The following ARID4A variants were observed in gnomAD, a reference collection of about 807,000 sequenced individuals.
ARID4A encodes the protein AT-rich interactive domain-containing protein 4A.
A neutral mutation model predicts 148.6 loss-of-function variants in ARID4A; 39 were observed. The observed-to-expected ratio is 0.26, with a 90% CI of 0.20 to 0.34. ARID4A has a LOEUF of 0.34. ARID4A is among the 10% of genes least tolerant of loss of function. ARID4A has a pLI of 1.00. For missense variants in ARID4A, 1,265 were observed against 1,449.1 expected (o/e 0.87, Z 2.06); for synonymous variants, 475 against 481.2 (o/e 0.99, Z 0.17).
chr14:58,343,604 G>A (rs750277116), intron 11 of ARID4A, among the ~76,000 whole-genome samples: 2 of 152,090 alleles, frequency 1.3e-5, no homozygotes, highest in Non-Finnish European at 2.9e-5. Flanking sequence ...TGGAGTGGGC[G>A]GATCACTTGA....
intron 15 of ARID4A, among the ~76,000 whole-genome samples, chr14:58,350,382 T>C (rs574241951): frequency 2.0e-5 from 3 of 152,286 alleles, no homozygotes; most frequent in South Asian, 2.1e-4. Flanking sequence ...TGCCAGTGTA[T>C]AGAAGTTGAC....
At chr14:58,371,770 A>G (rs756777257) in intron 23 of ARID4A, 116 bp from the exon 24 acceptor site, 8 of 801,498 alleles carry the variant, frequency 1.0e-5, no homozygotes, top group South Asian at 1.5e-5. Context: ...CATGTGACAT[A>G]TAAGAGGCCT....
intron 21 of ARID4A, among the ~76,000 whole-genome samples, 190 bp downstream of exon 21, chr14:58,365,812 A>C (rs1304358008): frequency 6.6e-6 from 1 of 152,048 alleles, no homozygotes; most frequent in African/African-American, 2.4e-5. Context: ...AACTTTAGGA[A>C]AGTATTCAAT....
chr14:58,302,672 T>C (rs1050517253), intron 3 of ARID4A, among the ~76,000 whole-genome samples: 8 of 152,098 alleles, frequency 5.3e-5, no homozygotes, highest in Non-Finnish European at 8.8e-5. Context: ...TGTATATTTT[T>C]GGCTGTGTGA....
intron 3 of ARID4A, among the ~76,000 whole-genome samples, chr14:58,302,194 C>T (rs1406350067): frequency 6.6e-6 from 1 of 152,020 alleles, no homozygotes; most frequent in Non-Finnish European, 1.5e-5. Context: ...CCTGTCTCTA[C>T]TAAAATTGCA....
Position 58,372,896 on chromosome 14 carries a change from A to AT in ARID4A, c.*913dup, listed in dbSNP as rs1199885509. On this transcript the variant is annotated 3_prime_UTR_variant, in exon 24 of 24. Coordinates refer to ENST00000355431, the MANE Select transcript of ARID4A (RefSeq NM_002892.4). Reference sequence around the variant, plus strand: ...GACATTGGATGTTGTATTTTTATGTATTTTTTAAAATATTAATAAAATTTA... The same window carrying AT: ...GACATTGGATGTTGTATTTTTATGTATTTTTTTAAAATATTAATAAAATTTA... 1 of 179,552 alleles carries AT rather than the reference A, an allele frequency of 5.6e-6. No homozygotes were observed. The highest frequency in any genetic ancestry group is 1.2e-5 in the Non-Finnish European group (1 of 83,872). The allele number at this position is 179,552 out of a possible 1,614,324, so 11.1% of individuals were successfully genotyped here. A position where few individuals can be genotyped will look rare whatever the true frequency, so the allele number is the denominator to read the frequency against.
chr14:58,359,428 G>A (rs561115774), intron 18 of ARID4A, among the ~76,000 whole-genome samples: 1 of 152,232 alleles, frequency 6.6e-6, no homozygotes, highest in South Asian at 2.1e-4. Flanking sequence ...TACAACTGAT[G>A]TGCCTACATT....
intron 12 of ARID4A, among the ~76,000 whole-genome samples, chr14:58,344,974 G>C (rs972568629): frequency 6.6e-6 from 1 of 152,188 alleles, no homozygotes; most frequent in African/African-American, 2.4e-5. Context: ...CTGGGCTCAA[G>C]TGATCCTCCT....
chr14:58,304,092 C>A, intron 3 of ARID4A, among the ~76,000 whole-genome samples: 1 of 151,610 alleles, frequency 6.6e-6, no homozygotes, highest in Non-Finnish European at 1.5e-5. Flanking sequence ...GAAACATTGA[C>A]TAGAGGAGTG....
At chr14:58,305,043 A>G (rs1327855328) in intron 4 of ARID4A, 34 bp downstream of exon 4, 2 of 1,511,352 alleles carry the variant, frequency 1.3e-6, no homozygotes, top group African/African-American at 1.4e-5. Context: ...ATCTGAAATA[A>G]TCATAGATTT....
In ARID4A at chr14:58,369,271, C is replaced by G. The variant is rs116863580; in HGVS notation, c.3670+2242C>G. ...GTTAGAAAAGGACTCACTGTGCCCTCTATAAATAATGGGGGTGAAAATCAC... is the reference window on the plus strand; with the variant it reads ...GTTAGAAAAGGACTCACTGTGCCCTGTATAAATAATGGGGGTGAAAATCAC... On this transcript the variant is annotated intron_variant, in intron 23 of 23. Coordinates refer to ENST00000355431, the MANE Select transcript of ARID4A (RefSeq NM_002892.4). Among the ~76,000 whole-genome samples the G allele has an allele frequency of 4.5e-3, 678 of 152,248 alleles. 6 individuals are homozygous for G. The highest frequency in any genetic ancestry group is 7.0e-3 in the Admixed American group (107 of 15,302).
At position 58,366,350 on chromosome 14, in the gene ARID4A, A is replaced by G. The variant is rs528513306; in HGVS notation, c.3523+120A>G. The G allele has an allele frequency of 5.7e-5, 46 of 808,784 alleles. No individual in the cohort carries two copies. In the Middle Eastern group the frequency reaches 1.2e-3, roughly 20 times the overall value. The allele number at this position is 808,784 out of a possible 1,614,324, so 50.1% of individuals were successfully genotyped here. ...AATGATTAACTATTTAGATATTCCA[A>G]ATATTGCCTTAGCAAGAATCACCAC... On this transcript the variant is annotated intron_variant, in intron 22 of 23. Coordinates refer to ENST00000355431, the MANE Select transcript of ARID4A (RefSeq NM_002892.4).
chr14:58,336,190 T>A (rs532234354), intron 11 of ARID4A, among the ~76,000 whole-genome samples: 1 of 152,352 alleles, frequency 6.6e-6, no homozygotes, highest in East Asian at 1.9e-4. Flanking sequence ...TAATGTAATA[T>A]TTACTCAAGA....
At chr14:58,347,235 A>G in intron 14 of ARID4A, 118 bp downstream of exon 14, 1 of 538,484 alleles carries the variant, frequency 1.9e-6, no homozygotes, top group South Asian at 4.3e-5. Context: ...GTATATAAAA[A>G]GGTTTAGGTT....
intron 23 of ARID4A, among the ~76,000 whole-genome samples, chr14:58,368,029 ATCTCT>A (rs2035431640): frequency 6.6e-6 from 1 of 152,128 alleles, no homozygotes; most frequent in Non-Finnish European, 1.5e-5. Flanking sequence ...GAGAAATTGG[ATCTCT>A]TCTTCCCATC....
chr14:58,352,772 A>G (rs2034695859), intron 16 of ARID4A, among the ~76,000 whole-genome samples: 1 of 152,150 alleles, frequency 6.6e-6, no homozygotes, highest in South Asian at 2.1e-4. Context: ...AATGCTTGTG[A>G]CACTAGAATG....
chr14:58,307,069 T>C (rs1456928104), intron 5 of ARID4A, among the ~76,000 whole-genome samples: 2 of 152,246 alleles, frequency 1.3e-5, no homozygotes, highest in Non-Finnish European at 2.9e-5. Context: ...GCTGTCATTA[T>C]GTTGATGAGA....
intron 5 of ARID4A, among the ~76,000 whole-genome samples, chr14:58,318,318 G>A (rs1348416215): frequency 1.3e-5 from 2 of 152,146 alleles, no homozygotes; most frequent in African/African-American, 4.8e-5. Context: ...AAAGCAGATG[G>A]AAATACTTAA....
At chr14:58,323,409 C>G in intron 7 of ARID4A, 76 bp from the exon 8 acceptor site, 4 of 1,499,304 alleles carry the variant, frequency 2.7e-6, no homozygotes, top group Non-Finnish European at 3.7e-6. Flanking sequence ...ATTGAATTGA[C>G]TATATTAAAT....
Sources: allele counts gnomAD v4.1 joint callset (sites outside exome capture counted in the v4.1 genomes callset), GRCh38; gene constraint gnomAD v4.1.1; transcripts MANE v1.5; gene names NCBI Gene and HGNC (gene_info 2026-07-23, HGNC 2026-07-21).